ABCA8: variants seen among roughly 807,000 people sequenced by gnomAD.
ABCA8 encodes ATP binding cassette subfamily A member 8.
ABCA8 carries 177 observed loss-of-function variants against 192.3 expected under a neutral mutation model. The ratio of observed to expected loss-of-function variants is 0.92; its 90% CI spans 0.81 to 1.04. The LOEUF (loss-of-function observed/expected upper bound fraction) is 1.04, where lower values mean the gene tolerates loss of function less well. Among genes scored for constraint, ABCA8 ranks in the 50% least tolerant of loss-of-function variants. The pLI, the probability that ABCA8 is intolerant of heterozygous loss-of-function variation, is 0.00. For missense variants in ABCA8, 1,915 were observed against 1,904.8 expected, an observed-to-expected ratio of 1.01 and a Z score of -0.10; for synonymous variants, 642 against 690.2, an observed-to-expected ratio of 0.93 and a Z score of 1.09.
chr17:68,922,538 G>A (rs1221473664), intron 11 of ABCA8, among the ~76,000 whole-genome samples: 1 of 151,806 alleles, frequency 6.6e-6, no homozygotes, highest in East Asian at 1.9e-4. Context: ...ACTGTGATTG[G>A]GACCCATAAG....
chr17:68,924,797 T>C lies in ABCA8; in HGVS notation c.1346A>G (p.Asp449Gly). The change falls in exon 11 of 40, where the codon GAT becomes GGT. Residue 449 changes from aspartate to glycine, a missense_variant. Transcript: ENST00000586539. ...SSFWSQTQKT[D>G]HVALEDEMDA... ...CATTTCATCTTCAAGGGCCACGTGA[T>C]CAGTCTTTTGTGTTTGAGACCAAAA... 1 of 1,614,154 alleles carries C rather than the reference T, an allele frequency of 6.2e-7. No homozygotes were observed. The highest frequency in any genetic ancestry group is 1.7e-5 in the Admixed American group (1 of 60,030).
At chr17:68,873,380 A>G (rs2066115283) in intron 37 of ABCA8, among the ~76,000 whole-genome samples, 2 of 152,194 alleles carry the variant, frequency 1.3e-5, no homozygotes, top group Admixed American at 6.5e-5. Context: ...CAATGATGAA[A>G]TTGCTTAACG....
At chr17:68,905,544 CAAGAG>C (rs1410515734) in intron 19 of ABCA8, among the ~76,000 whole-genome samples, 3 of 151,068 alleles carry the variant, frequency 2.0e-5, no homozygotes, top group Non-Finnish European at 3.0e-5. Flanking sequence ...AGTCTGAACA[CAAGAG>C]AATAAGTTAT....
chr17:68,933,116 A>G (rs1277657604), intron 6 of ABCA8, 52 bp downstream of exon 6: 2 of 1,273,174 alleles, frequency 1.6e-6, no homozygotes, highest in African/African-American at 3.0e-5. Flanking sequence ...GATGCCTCTA[A>G]TATCATTAAC....
rs1260356044 is a variant in ABCA8 at position 68,903,380 on chromosome 17, G to C, written c.2518C>G (p.Leu840Val). ...KMRKTIGGVA[L>V]WRQQICAIAR... Reference sequence around the variant, plus strand: ...ATTGCGCAGATTTGCTGTCGCCAGAGAGCCACACCACCTATTGTCTTTCTC... The same window carrying C: ...ATTGCGCAGATTTGCTGTCGCCAGACAGCCACACCACCTATTGTCTTTCTC... Residue 840 changes from leucine to valine, a missense_variant, in exon 20 of 40, where the codon CTC becomes GTC. Leu to Val is a conservative substitution (Grantham distance 32). Transcript: ENST00000586539. 4 of 1,614,046 alleles carry C rather than the reference G, an allele frequency of 2.5e-6. No individual in the cohort carries two copies. Among genetic ancestry groups the C allele is most frequent in the Non-Finnish European group, 2.5e-6 (3 of 1,180,042 alleles).
intron 10 of ABCA8, among the ~76,000 whole-genome samples, chr17:68,926,441 A>G (rs1378730757): frequency 6.6e-6 from 1 of 152,252 alleles, no homozygotes; most frequent in Non-Finnish European, 1.5e-5. Context: ...ATACAGTATG[A>G]TAGAAACACA....
In ABCA8 at chr17:68,868,316, CTG is replaced by C; in HGVS notation, c.4750_4751del (p.Gln1584ValfsTer18). 6.2e-7 allele frequency: 1 copy of C among 1,613,760 alleles called. No individual in the cohort carries two copies. Among genetic ancestry groups the C allele is most frequent in the South Asian group, 1.1e-5 (1 of 91,070 alleles). Reference protein sequence around the residue: ...SFDLEEYSLSQSTLEQVFLEL... With the variant: ...SFDLEEYSLSXSTLEQVFLEL... Reference sequence around the variant, plus strand: ...AATGACCCACCTGCTCCAGGGTAGACTGTGAGAGGCTGTACTCCTCTAGGTCA... The same window carrying C: ...AATGACCCACCTGCTCCAGGGTAGACTGAGAGGCTGTACTCCTCTAGGTCA... On this transcript the variant is annotated frameshift_variant, in exon 39 of 40. Coordinates refer to ENST00000586539, the MANE Select transcript of ABCA8 (RefSeq NM_001288985.2). LOFTEE classifies it high-confidence loss of function.
chr17:68,942,746 T>C (rs1350515269), intron 2 of ABCA8, among the ~76,000 whole-genome samples: 2 of 152,178 alleles, frequency 1.3e-5, no homozygotes, highest in East Asian at 1.9e-4. Context: ...CTCATGTTTA[T>C]TCTTCTTTGG....
At chr17:68,946,027 CAG>C (rs1485111240) in intron 2 of ABCA8, among the ~76,000 whole-genome samples, 1 of 151,198 alleles carries the variant, frequency 6.6e-6, no homozygotes, top group Non-Finnish European at 1.5e-5. Context: ...CTATTTGTGA[CAG>C]AAACTGCTAG....
Position 68,868,106 on chromosome 17 carries a change from G to A in ABCA8, c.4845C>T (p.Leu1615=), listed in dbSNP as rs754661938. Residue 1615 remains leucine (L), a synonymous_variant, in exon 40 of 40, where the codon CTC becomes CTT. Transcript: ENST00000586539. The part of the protein sequence containing the change: ...EDFDPSVKWK[L]LPQEEP The stretch of plus-strand genomic sequence containing the variant: ...GGTTTTAAGGCTCTTCCTGGGGGAG[G>A]AGCTTCCACTTCACTGAGGGATCAA... The A allele has an allele frequency of 6.2e-7, 1 of 1,612,474 alleles. No individual in the cohort carries two copies. Among genetic ancestry groups the A allele is most frequent in the East Asian group, 2.2e-5 (1 of 44,862 alleles).
intron 1 of ABCA8, among the ~76,000 whole-genome samples, chr17:68,952,070 T>C (rs2068582253): frequency 6.6e-6 from 1 of 152,348 alleles, no homozygotes; most frequent in African/African-American, 2.4e-5. Context: ...ATGTCTTTTA[T>C]GGTTACTCTT....
chr17:68,940,371 C>T (rs959501309), intron 4 of ABCA8, among the ~76,000 whole-genome samples: 2 of 151,996 alleles, frequency 1.3e-5, no homozygotes, highest in African/African-American at 4.8e-5. Context: ...TCTATAAGAA[C>T]AAGAAAACAC....
chr17:68,880,529 G>A (rs532653909), intron 32 of ABCA8, among the ~76,000 whole-genome samples: 1 of 152,268 alleles, frequency 6.6e-6, no homozygotes, highest in South Asian at 2.1e-4. Context: ...CAGACTTAGG[G>A]GATCCCCGAG....
At chr17:68,891,322 T>G (rs981759289) in intron 24 of ABCA8, among the ~76,000 whole-genome samples, 167 bp downstream of exon 24, 1 of 152,210 alleles carries the variant, frequency 6.6e-6, no homozygotes, top group Admixed American at 6.5e-5. Context: ...TACCTATTTA[T>G]CTATATATTT....
intron 11 of ABCA8, among the ~76,000 whole-genome samples, chr17:68,924,460 G>C (rs980226257): frequency 6.6e-6 from 1 of 152,116 alleles, no homozygotes; most frequent in Admixed American, 6.5e-5. Flanking sequence ...CAAGGGTTTT[G>C]TTGAATTATC....
At position 68,919,299 on chromosome 17, in the gene ABCA8, A is replaced by G; in HGVS notation, c.1788+2T>C. ...CACATTAACTTTAACATATTTTTGT[A>G]CCTCTTTATCCACTTCTTGTGGCAG... On this transcript the variant is annotated splice_donor_variant, in intron 14 of 39. Coordinates refer to ENST00000586539, the MANE Select transcript of ABCA8 (RefSeq NM_001288985.2). LOFTEE classifies it high-confidence loss of function. The G allele has an allele frequency of 1.3e-6, 2 of 1,594,270 alleles. No homozygotes were observed. Among genetic ancestry groups the G allele is most frequent in the East Asian group, 2.2e-5 (1 of 44,626 alleles).
chr17:68,947,427 G>A (rs1312937467), intron 2 of ABCA8, among the ~76,000 whole-genome samples: 1 of 152,104 alleles, frequency 6.6e-6, no homozygotes, highest in African/African-American at 2.4e-5. Flanking sequence ...TATACAATGT[G>A]CTTGTCTGCT....
rs149949600 is a variant in ABCA8, at chr17:68,884,635, C to T, written c.3550-239G>A. On this transcript the variant is annotated intron_variant, in intron 27 of 39. Transcript: ENST00000586539. ...ACCTGGCGAGAGAATCCTGGAGATC[C>T]GTGCTAACCTCCCCAAACAGTGAGA... is the stretch of plus-strand genomic sequence containing the variant. 44 of 1,206,648 alleles carry T rather than the reference C, an allele frequency of 3.6e-5. No homozygotes were observed. The East Asian group carries it at 1.1e-3, about 30-fold the overall frequency. 74.7% of individuals were successfully genotyped at this position (1,206,648 alleles called of 1,614,324 possible).
chr17:68,946,000 GC>G (rs1427075861), intron 2 of ABCA8, among the ~76,000 whole-genome samples: 2 of 151,156 alleles, frequency 1.3e-5, no homozygotes, highest in African/African-American at 4.9e-5. Flanking sequence ...AATTGTCTTG[GC>G]TCTTCTGGGA....
Sources: gnomAD v4.1 joint callset for allele counts (sites outside exome capture counted in the v4.1 genomes callset) on GRCh38, gnomAD v4.1.1 for gene constraint, MANE v1.5 for transcripts, NCBI Gene and HGNC (gene_info 2026-07-23, HGNC 2026-07-21) for gene names.